The following CCDC102B variants were observed in gnomAD, a reference collection of about 807,000 sequenced individuals.
CCDC102B encodes the protein coiled-coil domain containing 102B, also known as coiled-coil domain-containing protein 102B.
A neutral mutation model predicts 57.4 loss-of-function variants in CCDC102B; 75 were observed. That is an observed-to-expected ratio of 1.31 (90% CI 1.08 to 1.58). CCDC102B has a LOEUF of 1.58. Among genes scored for constraint, CCDC102B ranks in the 40% most tolerant of loss-of-function variants. The pLI is 0.00. For synonymous variants in CCDC102B, 206 were observed against 201.9 expected (o/e 1.02, Z -0.17); for missense variants, 636 against 582.6 (o/e 1.09, Z -0.94).
chr18:68,738,920 A>G (rs1043861359), intron 2 of CCDC102B, among the ~76,000 whole-genome samples: 1 of 151,376 alleles, frequency 6.6e-6, no homozygotes, highest in African/African-American at 2.4e-5. Flanking sequence ...TTTTAGCCAT[A>G]TCTGTTTTCA....
chr18:68,956,584 ATAT>A lies in CCDC102B; in HGVS notation c.1264-54346_1264-54344del, dbSNP rs2049902882. Among the ~76,000 whole-genome samples the A allele has an allele frequency of 9.5e-5, 5 of 52,590 alleles. 1 individual carries two copies. The highest frequency in any genetic ancestry group is 1.6e-4 in the Non-Finnish European group (5 of 31,838). 34.5% of individuals were successfully genotyped at this position (52,590 alleles called of 152,430 possible). A position where few individuals can be genotyped will look rare whatever the true frequency, so the allele number is the denominator to read the frequency against. Reference sequence around the variant, plus strand: ...TATATTATATATTTTATATATATAAATATTATATATATATTATATATATATAAA... The same window carrying A: ...TATATTATATATTTTATATATATAAATATATATATATTATATATATATAAA... On this transcript the variant is annotated intron_variant, in intron 6 of 7. Transcript: ENST00000360242.
In CCDC102B at chr18:69,054,378, A is replaced by T; in HGVS notation, c.*241A>T. 1 of 1,146,398 alleles carries T rather than the reference A, an allele frequency of 8.7e-7. No homozygotes were observed. Among genetic ancestry groups the T allele is most frequent in the Non-Finnish European group, 1.1e-6 (1 of 933,656 alleles). 71.0% of individuals were successfully genotyped at this position (1,146,398 alleles called of 1,614,324 possible). On this transcript the variant is annotated 3_prime_UTR_variant, in exon 8 of 8. Coordinates refer to ENST00000360242, the MANE Select transcript of CCDC102B (RefSeq NM_024781.3). ...AACTTTAATTCTAAGATGTGTAAAT[A>T]TTTTGAAAGTCAAAAAGGGCTTTCA...
intron 6 of CCDC102B, among the ~76,000 whole-genome samples, chr18:68,981,623 C>G (rs951282745): frequency 6.6e-6 from 1 of 151,972 alleles, no homozygotes; most frequent in Non-Finnish European, 1.5e-5. Flanking sequence ...AAAAAACACA[C>G]AAAGCCCTTG....
chr18:68,977,070 AT>A (rs1324007924), intron 6 of CCDC102B, among the ~76,000 whole-genome samples: 1 of 151,882 alleles, frequency 6.6e-6, no homozygotes, highest in Admixed American at 6.6e-5. Context: ...ATTTTACACA[AT>A]TTTTTGCTAA....
At chr18:68,748,950 G>A (rs1330265234) in intron 2 of CCDC102B, among the ~76,000 whole-genome samples, 1 of 152,172 alleles carries the variant, frequency 6.6e-6, no homozygotes, top group Non-Finnish European at 1.5e-5. Flanking sequence ...ATTAATTCTT[G>A]TGTAAGGTGT....
Position 68,976,847 on chromosome 18 carries a change from T to A in CCDC102B, c.1264-34087T>A, listed in dbSNP as rs2050451477. Among the ~76,000 whole-genome samples the A allele has an allele frequency of 3.9e-5, 6 of 151,976 alleles. No individual in the cohort carries two copies. The South Asian group carries it at 1.2e-3, about 31-fold the overall frequency. On this transcript the variant is annotated intron_variant, in intron 6 of 7. Transcript: ENST00000360242. The stretch of plus-strand genomic sequence containing the variant: ...TATATTGGCAGGAGACTTTCCACAT[T>A]ATTGTCCTAAGTTACTAAAGAGGAT...
chr18:68,798,407 A>T (rs1277396946), intron 1 of CCDC102B: 1 of 152,108 alleles, frequency 6.6e-6, no homozygotes, highest in East Asian at 1.9e-4. Flanking sequence ...AATTTGTCAT[A>T]CATTTCCTGT....
At chr18:68,961,340 A>G (rs1166502757) in intron 6 of CCDC102B, among the ~76,000 whole-genome samples, 1 of 152,012 alleles carries the variant, frequency 6.6e-6, no homozygotes, top group African/African-American at 2.4e-5. Flanking sequence ...ATTATACACA[A>G]TACAGAAACA....
chr18:69,048,376 A>C (rs186768791), intron 7 of CCDC102B, among the ~76,000 whole-genome samples: 1 of 152,204 alleles, frequency 6.6e-6, no homozygotes, highest in East Asian at 1.9e-4. Flanking sequence ...ATCTTTCTAA[A>C]AATAAATTTT....
At chr18:68,942,006 C>T (rs564592495) in intron 6 of CCDC102B, among the ~76,000 whole-genome samples, 58 of 151,972 alleles carry the variant, frequency 3.8e-4, no homozygotes, top group African/African-American at 1.3e-3. Context: ...TTATTGTGCT[C>T]GTCAACTCGT....
intron 4 of CCDC102B, among the ~76,000 whole-genome samples, chr18:68,849,268 G>T (rs980099929): frequency 1.2e-4 from 18 of 152,048 alleles, no homozygotes; most frequent in Non-Finnish European, 2.1e-4. Context: ...GTACATCAAG[G>T]CAAGGTCCTT....
At chr18:68,773,657 C>T (rs77092555) in intron 2 of CCDC102B, among the ~76,000 whole-genome samples, 307 of 151,780 alleles carry the variant, frequency 2.0e-3, no homozygotes, top group Non-Finnish European at 3.4e-3. Flanking sequence ...TTTTCAAGTA[C>T]GTAAAATGCA....
intron 2 of CCDC102B, among the ~76,000 whole-genome samples, chr18:68,722,788 T>C (rs1035895493): frequency 2.6e-5 from 4 of 152,122 alleles, no homozygotes; most frequent in African/African-American, 9.7e-5. Context: ...GCAAATATAC[T>C]TGGCTTGTCT....
intron 6 of CCDC102B, among the ~76,000 whole-genome samples, chr18:68,949,184 T>G (rs1055881567): frequency 7.2e-5 from 11 of 152,146 alleles, no homozygotes; most frequent in Non-Finnish European, 1.3e-4. Context: ...ACCCACTGAC[T>G]CAAATGCTAG....
chr18:68,909,096 A>AAAAAAAAG (rs369469216), intron 6 of CCDC102B, among the ~76,000 whole-genome samples: 57 of 147,418 alleles, frequency 3.9e-4, no homozygotes, highest in Middle Eastern at 3.5e-3. Flanking sequence ...ATGGTTAAAA[A>AAAAAAAAG]AAAAAAAAGA....
chr18:68,961,073 A>G (rs1003656365), intron 6 of CCDC102B, among the ~76,000 whole-genome samples: 1 of 152,126 alleles, frequency 6.6e-6, no homozygotes, highest in Non-Finnish European at 1.5e-5. Context: ...CCAGAAAACT[A>G]TGGTTGAATA....
At chr18:68,863,787 C>T (rs948236158) in intron 4 of CCDC102B, among the ~76,000 whole-genome samples, 1 of 151,906 alleles carries the variant, frequency 6.6e-6, no homozygotes, top group African/African-American at 2.4e-5. Context: ...CAATCTATTA[C>T]TCTCTTATCC....
intron 7 of CCDC102B, among the ~76,000 whole-genome samples, chr18:69,033,533 T>C (rs1223947004): frequency 1.3e-5 from 2 of 152,120 alleles, no homozygotes; most frequent in Non-Finnish European, 2.9e-5. Context: ...TATAAATGGA[T>C]TCATAGAATA....
intron 4 of CCDC102B, among the ~76,000 whole-genome samples, chr18:68,870,168 G>A (rs1382781234): frequency 4.6e-5 from 7 of 152,178 alleles, no homozygotes; most frequent in Middle Eastern, 3.4e-3. Context: ...ACACAGGGAG[G>A]GGAACATCAC....
Sources: allele counts gnomAD v4.1 joint callset (sites outside exome capture counted in the v4.1 genomes callset), GRCh38; gene constraint gnomAD v4.1.1; transcripts MANE v1.5; gene names NCBI Gene and HGNC (gene_info 2026-07-23, HGNC 2026-07-21).